Variants in CRADD observed in about 807,000 individuals in gnomAD.
The protein encoded by CRADD is CARD and death domain containing adaptor protein.
A neutral mutation model predicts 15.5 loss-of-function variants in CRADD; 9 were observed. The observed-to-expected ratio is 0.58, with a 90% CI of 0.35 to 1.01. The LOEUF is 1.01. Among genes scored for constraint, CRADD ranks in the 50% least tolerant of loss-of-function variants. The probability of loss-of-function intolerance (pLI) is 0.02; values close to 1 mark genes in which losing one functional copy is unlikely to be tolerated. For missense variants in CRADD, 227 were observed against 250.3 expected (o/e 0.91, Z 0.63); for synonymous variants, 118 against 107.6 (o/e 1.10, Z -0.60).
intron 2 of CRADD, among the ~76,000 whole-genome samples, chr12:93,889,584 G>A (rs765839047): frequency 1.3e-5 from 2 of 152,232 alleles, no homozygotes. Flanking sequence ...TACCCCCAGC[G>A]GGTCTCAGAG....
At chr12:93,741,496 T>C (rs960094824) in intron 2 of CRADD, among the ~76,000 whole-genome samples, 3 of 152,234 alleles carry the variant, frequency 2.0e-5, no homozygotes, top group African/African-American at 4.8e-5. Flanking sequence ...CAATTTACTC[T>C]GTAAAATCCT....
At chr12:93,795,596 T>C (rs1957405868) in intron 2 of CRADD, among the ~76,000 whole-genome samples, 1 of 152,208 alleles carries the variant, frequency 6.6e-6, no homozygotes, top group Non-Finnish European at 1.5e-5. Context: ...CAGAGATCTG[T>C]TGGCTCCATT....
intron 2 of CRADD, among the ~76,000 whole-genome samples, chr12:93,818,312 T>C (rs187763716): frequency 9.0e-4 from 137 of 152,322 alleles, no homozygotes; most frequent in African/African-American, 3.3e-3. Context: ...TTGAAGAAGA[T>C]GGGATACAAA....
At chr12:93,794,005 C>T (rs759996631) in intron 2 of CRADD, among the ~76,000 whole-genome samples, 5 of 152,130 alleles carry the variant, frequency 3.3e-5, no homozygotes, top group Admixed American at 2.6e-4. Context: ...TTAAGGGTCC[C>T]CACCAATCAC....
chr12:93,877,605 G>A (rs1958466259), intron 2 of CRADD, among the ~76,000 whole-genome samples: 2 of 152,204 alleles, frequency 1.3e-5, no homozygotes, highest in South Asian at 4.1e-4. Context: ...TCCAAAGGCA[G>A]AGGAGGCTCA....
chr12:93,685,988 C>A lies in CRADD; in HGVS notation c.298+6916C>A, dbSNP rs1032630002. On this transcript the variant is annotated intron_variant, in intron 2 of 2. Coordinates refer to ENST00000332896, the MANE Select transcript of CRADD (RefSeq NM_003805.5). ...AGCCTGGGGGACAAGAGCGAAACTT[C>A]GTCTAAAAAACAAAACCAACGGAAA... is the stretch of plus-strand genomic sequence containing the variant. 4.4e-4 allele frequency among the ~76,000 whole-genome samples: 65 copies of A among 148,444 alleles called. 1 individual carries two copies. Among genetic ancestry groups the A allele is most frequent in the African/African-American group, 1.5e-3 (61 of 40,086 alleles).
At chr12:93,849,525 G>A (rs1490480088) in intron 2 of CRADD, among the ~76,000 whole-genome samples, 1 of 152,106 alleles carries the variant, frequency 6.6e-6, no homozygotes, top group Non-Finnish European at 1.5e-5. Flanking sequence ...TGGATCACCT[G>A]AGGTCAGGAG....
intron 2 of CRADD, among the ~76,000 whole-genome samples, chr12:93,683,081 T>C (rs957796970): frequency 2.0e-5 from 3 of 152,194 alleles, no homozygotes; most frequent in Non-Finnish European, 4.4e-5. Context: ...GAAGGCAGCC[T>C]GTGCCTGCCT....
intron 2 of CRADD, among the ~76,000 whole-genome samples, chr12:93,814,746 C>T (rs998101153): frequency 2.0e-5 from 3 of 152,182 alleles, no homozygotes; most frequent in African/African-American, 7.2e-5. Context: ...ACAAGCAAAG[C>T]ATCTCAGAAG....
At chr12:93,690,903 C>T (rs564953864) in intron 2 of CRADD, among the ~76,000 whole-genome samples, 2 of 152,218 alleles carry the variant, frequency 1.3e-5, no homozygotes, top group South Asian at 2.1e-4. Flanking sequence ...CACACATAGC[C>T]GGCATTTTCA....
At position 93,850,585 on chromosome 12, in the gene CRADD, A is replaced by G. The variant is rs994497543; in HGVS notation, c.*314A>G. 10 of 928,008 alleles carry G rather than the reference A, an allele frequency of 1.1e-5. No individual in the cohort carries two copies. The African/African-American group carries it at 1.6e-4, about 15-fold the overall frequency. The allele number at this position is 928,008 out of a possible 1,614,324, so 57.5% of individuals were successfully genotyped here. A position where few individuals can be genotyped will look rare whatever the true frequency, so the allele number is the denominator to read the frequency against. On this transcript the variant is annotated 3_prime_UTR_variant, in exon 3 of 3. Transcript: ENST00000332896. The surrounding 1 kb of genome is among the most constrained non-coding windows in gnomAD (Gnocchi z 4.0). The stretch of plus-strand genomic sequence containing the variant: ...ACAGTGGTTCAAAATATATATCCAT[A>G]TATATATATATCCATATATATATCT...
chr12:93,750,031 A>G (rs1490684023), intron 2 of CRADD, among the ~76,000 whole-genome samples: 1 of 152,228 alleles, frequency 6.6e-6, no homozygotes, highest in Non-Finnish European at 1.5e-5. Context: ...GCAGACTAAT[A>G]CATTATGTTC....
At chr12:93,816,871 G>A (rs981952999) in intron 2 of CRADD, among the ~76,000 whole-genome samples, 5 of 152,098 alleles carry the variant, frequency 3.3e-5, no homozygotes, top group African/African-American at 4.8e-5. Flanking sequence ...AATGTGAGAC[G>A]GTTTCTGCTA....
chr12:93,885,707 G>A (rs1958532028), intron 2 of CRADD, among the ~76,000 whole-genome samples: 2 of 152,156 alleles, frequency 1.3e-5, no homozygotes, highest in Admixed American at 6.5e-5. Flanking sequence ...ACCCTCTCGA[G>A]ATGGTTGTAA....
chr12:93,764,392 A>G (rs188990790), intron 2 of CRADD, among the ~76,000 whole-genome samples: 1 of 152,152 alleles, frequency 6.6e-6, no homozygotes, highest in Admixed American at 6.5e-5. Context: ...GTGGGAGATG[A>G]GAGAGAAGGA....
At chr12:93,800,111 G>A (rs75654853) in intron 2 of CRADD, among the ~76,000 whole-genome samples, 3,006 of 152,270 alleles carry the variant, frequency 0.02, 31 homozygotes, top group African/African-American at 0.026. Context: ...TTTATTGTAG[G>A]TATTGGCTCA....
intron 2 of CRADD, among the ~76,000 whole-genome samples, chr12:93,783,228 G>GTGTTAT (rs1445138777): frequency 1.7e-4 from 23 of 139,378 alleles, no homozygotes; most frequent in African/African-American, 5.8e-4. Context: ...ACAGGTATAG[G>GTGTTAT]TATTATTATT....
At chr12:93,875,513 T>C (rs1467966836) in intron 2 of CRADD, among the ~76,000 whole-genome samples, 1 of 152,078 alleles carries the variant, frequency 6.6e-6, no homozygotes, top group African/African-American at 2.4e-5. Context: ...TTAGTGAAGG[T>C]GATTTTCTCT....
chr12:93,755,613 G>A (rs1956880954), intron 2 of CRADD, among the ~76,000 whole-genome samples: 1 of 152,140 alleles, frequency 6.6e-6, no homozygotes, highest in Non-Finnish European at 1.5e-5. Flanking sequence ...TGCCCCACAG[G>A]CGTACCTCCT....
Sources: allele counts gnomAD v4.1 joint callset (sites outside exome capture counted in the v4.1 genomes callset), GRCh38; gene constraint gnomAD v4.1.1; non-coding constraint Gnocchi (gnomAD v3.1); transcripts MANE v1.5; gene names NCBI Gene and HGNC (gene_info 2026-07-23, HGNC 2026-07-21).